ARHGAP18: variants seen among roughly 807,000 people sequenced by gnomAD.
ARHGAP18 encodes Rho GTPase activating protein 18.
In ARHGAP18, 67 loss-of-function variants were observed where a neutral mutation model predicts 86.2. The observed-to-expected ratio is 0.78, with a 90% CI of 0.64 to 0.95. The LOEUF is 0.95. Among genes scored for constraint, ARHGAP18 ranks in the 40% least tolerant of loss-of-function variants. The pLI is 0.00. For synonymous variants in ARHGAP18, 283 were observed against 280.4 expected, an observed-to-expected ratio of 1.01 and a Z score of -0.09; for missense variants, 691 against 780.4, an observed-to-expected ratio of 0.89 and a Z score of 1.37.
chr6:129,639,077 C>T (rs1773393421), intron 2 of ARHGAP18, among the ~76,000 whole-genome samples: 2 of 152,300 alleles, frequency 1.3e-5, no homozygotes, highest in Middle Eastern at 6.8e-3. Context: ...TTCACTGTAG[C>T]TGACAGGAAG....
chr6:129,632,201 G>A (rs904842580), intron 4 of ARHGAP18, among the ~76,000 whole-genome samples: 1 of 152,176 alleles, frequency 6.6e-6, no homozygotes, highest in African/African-American at 2.4e-5. Context: ...AAAGAGCATG[G>A]CATTGCCCAG....
intron 5 of ARHGAP18, among the ~76,000 whole-genome samples, chr6:129,621,084 T>C (rs576550437): frequency 1.8e-4 from 28 of 152,354 alleles, no homozygotes; most frequent in Non-Finnish European, 3.2e-4. Context: ...ATAATATTGT[T>C]ATATTAAATG....
rs1278439664 is a variant in ARHGAP18 at position 129,611,614 on chromosome 6, T to C, written c.1045-4A>G. 6.2e-7 allele frequency: 1 copy of C among 1,603,656 alleles called. No homozygotes were observed. On this transcript the variant is annotated splice_polypyrimidine_tract_variant and splice_region_variant and intron_variant, in intron 7 of 14. Coordinates refer to ENST00000368149, the MANE Select transcript of ARHGAP18 (RefSeq NM_033515.3). Reference sequence around the variant, plus strand: ...TCTCTTCAATTCGAGAAATCAGCTGTGCATAAACAGAGAAACATTCTAATT... The same window carrying C: ...TCTCTTCAATTCGAGAAATCAGCTGCGCATAAACAGAGAAACATTCTAATT...
At chr6:129,678,439 C>T (rs141366928) in intron 1 of ARHGAP18, among the ~76,000 whole-genome samples, 14 of 152,272 alleles carry the variant, frequency 9.2e-5, no homozygotes, top group African/African-American at 2.4e-4. Context: ...GTGCAGGAGC[C>T]GCTGGCATCT....
chr6:129,595,981 C>T (rs777471007), intron 12 of ARHGAP18, among the ~76,000 whole-genome samples: 16 of 152,124 alleles, frequency 1.1e-4, no homozygotes, highest in Non-Finnish European at 2.1e-4. Flanking sequence ...CTCCACTTTC[C>T]GATGCTGATA....
chr6:129,597,116 AT>A (rs957715212), intron 12 of ARHGAP18, among the ~76,000 whole-genome samples: 19 of 147,910 alleles, frequency 1.3e-4, no homozygotes, highest in East Asian at 7.9e-4. Context: ...AAATGGCATA[AT>A]TTTTTTTTTA....
intron 9 of ARHGAP18, among the ~76,000 whole-genome samples, chr6:129,607,140 TAATTATTAATA>T (rs1788870979): frequency 6.6e-6 from 1 of 152,120 alleles, no homozygotes. Context: ...GAGCTCACCA[TAATTATTAATA>T]GTGCCCCTTT....
At chr6:129,655,434 G>C (rs928195598) in intron 1 of ARHGAP18, among the ~76,000 whole-genome samples, 2 of 151,934 alleles carry the variant, frequency 1.3e-5, no homozygotes, top group Non-Finnish European at 2.9e-5. Flanking sequence ...ATATCCTCCA[G>C]GGCAGAAGTC....
intron 1 of ARHGAP18, among the ~76,000 whole-genome samples, chr6:129,655,033 A>C (rs1162966092): frequency 6.6e-6 from 1 of 152,154 alleles, no homozygotes; most frequent in East Asian, 1.9e-4. Flanking sequence ...CGGAAAGGAG[A>C]GGCTCGGCCG....
chr6:129,657,911 T>C (rs1034286411), intron 1 of ARHGAP18, among the ~76,000 whole-genome samples: 1 of 152,230 alleles, frequency 6.6e-6, no homozygotes, highest in East Asian at 1.9e-4. Flanking sequence ...CTTTGGGCTA[T>C]TGCTCCATGA....
intron 12 of ARHGAP18, among the ~76,000 whole-genome samples, chr6:129,587,513 G>T (rs1216612545): frequency 6.6e-6 from 1 of 152,172 alleles, no homozygotes; most frequent in Non-Finnish European, 1.5e-5. Context: ...AAGAAAAGAG[G>T]TTTAATTGAT....
chr6:129,595,600 C>T (rs1168605420), intron 12 of ARHGAP18, among the ~76,000 whole-genome samples: 2 of 152,094 alleles, frequency 1.3e-5, no homozygotes, highest in Non-Finnish European at 2.9e-5. Flanking sequence ...TCCAATCTTA[C>T]ACTCCCTCAA....
intron 2 of ARHGAP18, among the ~76,000 whole-genome samples, chr6:129,641,445 C>A (rs62421091): frequency 0.28 from 43,247 of 152,002 alleles, 6,324 homozygotes; most frequent in Non-Finnish European, 0.3. Context: ...AGTCTCACTG[C>A]AAAGCAGTGC....
chr6:129,698,687 C>T (rs1347734239), intron 1 of ARHGAP18, among the ~76,000 whole-genome samples: 6 of 124,090 alleles, frequency 4.8e-5, no homozygotes, highest in Non-Finnish European at 9.9e-5. Context: ...TACCACCACG[C>T]CCAGTTTTTT....
rs571676808 is a variant in ARHGAP18 at position 129,603,161 on chromosome 6, G to A, written c.1366-2313C>T. On this transcript the variant is annotated intron_variant, in intron 10 of 14. Coordinates refer to ENST00000368149, the MANE Select transcript of ARHGAP18 (RefSeq NM_033515.3). ...CTCACCCTTCTCCTACGCTTCCACC[G>A]AGTTCCAAAAGTCCAGTGTATCATT... is the stretch of plus-strand genomic sequence containing the variant. Among the ~76,000 whole-genome samples, 396 of 151,902 alleles carry A rather than the reference G, an allele frequency of 2.6e-3. 1 individual carries two copies. The highest frequency in any genetic ancestry group is 9.3e-3 in the African/African-American group (386 of 41,412).
At chr6:129,703,721 A>C (rs762763150) in intron 1 of ARHGAP18, among the ~76,000 whole-genome samples, 1 of 152,214 alleles carries the variant, frequency 6.6e-6, no homozygotes, top group Non-Finnish European at 1.5e-5. Flanking sequence ...TCAAGAAGAA[A>C]CTATGGATAG....
At chr6:129,655,942 A>C (rs1024151335) in intron 1 of ARHGAP18, among the ~76,000 whole-genome samples, 7 of 152,150 alleles carry the variant, frequency 4.6e-5, no homozygotes, top group African/African-American at 1.7e-4. Flanking sequence ...CATAATATAC[A>C]TTTTCCATTT....
intron 1 of ARHGAP18, chr6:129,662,041 C>G: frequency 2.8e-6 from 1 of 360,790 alleles, no homozygotes; most frequent in Non-Finnish European, 3.9e-6. Context: ...TCCACGCAAG[C>G]TGCAGCTCTC....
In ARHGAP18 at chr6:129,577,659, T is replaced by C. The variant is rs1788205759; in HGVS notation, c.*854A>G. 1 of 152,210 alleles carries C rather than the reference T, an allele frequency of 6.6e-6. No homozygotes were observed. Among genetic ancestry groups the C allele is most frequent in the South Asian group, 2.1e-4 (1 of 4,834 alleles). 9.4% of individuals were successfully genotyped at this position (152,210 alleles called of 1,614,324 possible). On this transcript the variant is annotated 3_prime_UTR_variant, in exon 15 of 15. Coordinates refer to ENST00000368149, the MANE Select transcript of ARHGAP18 (RefSeq NM_033515.3). ...TGGATTATACTATCATGCATATTTATAATGCTAATAATGACAACACGTAAA... is the reference window on the plus strand; with the variant it reads ...TGGATTATACTATCATGCATATTTACAATGCTAATAATGACAACACGTAAA...
Sources: gnomAD v4.1 joint callset for allele counts (sites outside exome capture counted in the v4.1 genomes callset) on GRCh38, gnomAD v4.1.1 for gene constraint, MANE v1.5 for transcripts, NCBI Gene and HGNC (gene_info 2026-07-23, HGNC 2026-07-21) for gene names.